Variants in ZFAND3 observed in about 807,000 individuals in gnomAD.
ZFAND3 encodes zinc finger AN1-type containing 3, also known as AN1-type zinc finger protein 3.
ZFAND3 carries 10 observed loss-of-function variants against 29.6 expected under a neutral mutation model. The observed-to-expected ratio is 0.34, with a 90% CI of 0.21 to 0.57. ZFAND3 has a LOEUF of 0.57. Among genes scored for constraint, ZFAND3 ranks in the 20% least tolerant of loss-of-function variants. The probability of loss-of-function intolerance (pLI) is 0.86; values close to 1 mark genes in which losing one functional copy is unlikely to be tolerated. For missense variants in ZFAND3, 230 were observed against 304.5 expected (o/e 0.76, Z 1.82); for synonymous variants, 128 against 112.6 (o/e 1.14, Z -0.87).
At chr6:37,876,073 G>A (rs1385106188) in intron 1 of ZFAND3, among the ~76,000 whole-genome samples, 1 of 152,056 alleles carries the variant, frequency 6.6e-6, no homozygotes, top group Non-Finnish European at 1.5e-5. Flanking sequence ...TAATTTGAAA[G>A]AAAGTTTTAC....
intron 1 of ZFAND3, among the ~76,000 whole-genome samples, chr6:37,839,485 TA>T (rs1455631214): frequency 2.1e-5 from 3 of 141,118 alleles, no homozygotes; most frequent in Admixed American, 7.1e-5. Flanking sequence ...CCCGGCCAGT[TA>T]TTTTTTTATT....
intron 1 of ZFAND3, among the ~76,000 whole-genome samples, chr6:37,893,693 A>C (rs1451458729): frequency 6.6e-6 from 1 of 152,074 alleles, no homozygotes; most frequent in East Asian, 1.9e-4. Flanking sequence ...AGCTGGGATT[A>C]CAGGCGCATG....
chr6:37,934,163 C>T (rs1196312908), intron 2 of ZFAND3, among the ~76,000 whole-genome samples: 2 of 150,694 alleles, frequency 1.3e-5, no homozygotes, highest in Non-Finnish European at 2.9e-5. Flanking sequence ...GCTGGGATTA[C>T]AGGTGTAAGC....
At chr6:37,983,587 G>A (rs1762616270) in intron 2 of ZFAND3, among the ~76,000 whole-genome samples, 1 of 152,040 alleles carries the variant, frequency 6.6e-6, no homozygotes, top group South Asian at 2.1e-4. Context: ...TTGAACTCCC[G>A]ACCTCAGGTG....
chr6:37,827,562 A>G (rs1763782764), intron 1 of ZFAND3, among the ~76,000 whole-genome samples: 1 of 152,232 alleles, frequency 6.6e-6, no homozygotes. Context: ...TACCATATAT[A>G]GAGAAAGGTG....
intron 4 of ZFAND3, among the ~76,000 whole-genome samples, chr6:38,106,454 A>C (rs1298889118): frequency 6.6e-6 from 1 of 152,174 alleles, no homozygotes; most frequent in Admixed American, 6.5e-5. Flanking sequence ...CCGGCCTACA[A>C]ATGACATTCT....
At chr6:38,037,135 A>C (rs758233953) in intron 2 of ZFAND3, among the ~76,000 whole-genome samples, 1 of 152,218 alleles carries the variant, frequency 6.6e-6, no homozygotes, top group Non-Finnish European at 1.5e-5. Flanking sequence ...TCAATCTTTT[A>C]GTGAATAGAG....
intron 1 of ZFAND3, among the ~76,000 whole-genome samples, chr6:37,862,294 C>T (rs75740093): frequency 4.6e-5 from 7 of 152,120 alleles, no homozygotes; most frequent in Admixed American, 2.0e-4. Context: ...GTACAGTAGA[C>T]GGCCTCATTC....
At chr6:38,150,815 G>A (rs1419391537) in intron 5 of ZFAND3, among the ~76,000 whole-genome samples, 3 of 152,338 alleles carry the variant, frequency 2.0e-5, no homozygotes, top group African/African-American at 7.2e-5. Context: ...AACAAGTAAG[G>A]AGAGTGTTTG....
chr6:38,092,035 C>T, intron 4 of ZFAND3, among the ~76,000 whole-genome samples: 1 of 152,170 alleles, frequency 6.6e-6, no homozygotes, highest in East Asian at 1.9e-4. Flanking sequence ...GAGATGGTCC[C>T]ATTGCCTCTC....
chr6:37,912,005 G>A (rs1047393917), intron 1 of ZFAND3, among the ~76,000 whole-genome samples: 1 of 147,550 alleles, frequency 6.8e-6, no homozygotes, highest in African/African-American at 2.5e-5. Context: ...GGTTGCTATG[G>A]ATCTGTCTTC....
intron 2 of ZFAND3, among the ~76,000 whole-genome samples, chr6:37,976,307 C>T (rs996137817): frequency 5.9e-5 from 9 of 152,010 alleles, no homozygotes; most frequent in Non-Finnish European, 8.8e-5. Flanking sequence ...AGAGGCCAGG[C>T]GTGGTGGCTC....
intron 2 of ZFAND3, among the ~76,000 whole-genome samples, chr6:38,036,179 A>T (rs1763653630): frequency 6.6e-6 from 1 of 152,236 alleles, no homozygotes. Context: ...GTGAAAATCT[A>T]ACTGGCTAAG....
chr6:38,065,662 T>C (rs371922062), intron 3 of ZFAND3, among the ~76,000 whole-genome samples: 2 of 152,192 alleles, frequency 1.3e-5, no homozygotes, highest in South Asian at 2.1e-4. Flanking sequence ...CCCTAAGTTA[T>C]AGAGCTATTG....
At position 37,896,590 on chromosome 6, in the gene ZFAND3, CTT is replaced by C. The variant is rs760035792; in HGVS notation, c.72-33365_72-33364del. 1.2e-3 allele frequency among the ~76,000 whole-genome samples: 125 copies of C among 103,058 alleles called. 1 individual carries two copies. Among genetic ancestry groups the C allele is most frequent in the Non-Finnish European group, 1.8e-3 (90 of 50,396 alleles). The allele number at this position is 103,058 out of a possible 152,430, so 67.6% of individuals were successfully genotyped here. A position where few individuals can be genotyped will look rare whatever the true frequency, so the allele number is the denominator to read the frequency against. ...TCTTTCTCTCTTTCTCTCTCTTTCT[CTT>C]TTTCTTTCTCTCTCTCTTTCTTTCT... On this transcript the variant is annotated intron_variant, in intron 1 of 5. Transcript: ENST00000287218.
rs996540506 is a variant in ZFAND3, at chr6:37,892,657, T to C, written c.72-37302T>C. 4.6e-5 allele frequency among the ~76,000 whole-genome samples: 7 copies of C among 152,022 alleles called. No individual in the cohort carries two copies. In the East Asian group the frequency reaches 1.3e-3, roughly 29 times the overall value. On this transcript the variant is annotated intron_variant, in intron 1 of 5. Transcript: ENST00000287218. The stretch of plus-strand genomic sequence containing the variant: ...GAATAGAAAAATAACAGTAAATCAA[T>C]GAAATCAAAAGCTGGTTCTTAGGAA...
chr6:38,100,052 ATTTCTTTT>A (rs1765062213), intron 4 of ZFAND3, among the ~76,000 whole-genome samples: 1 of 151,124 alleles, frequency 6.6e-6, no homozygotes, highest in Non-Finnish European at 1.5e-5. Flanking sequence ...TGATAAACCT[ATTTCTTTT>A]TTTCTTTTTT....
chr6:37,859,906 T>G, intron 1 of ZFAND3, among the ~76,000 whole-genome samples: 1 of 147,044 alleles, frequency 6.8e-6, no homozygotes, highest in East Asian at 2.0e-4. Flanking sequence ...ACTCTTGCTC[T>G]TGTCACCCAG....
At chr6:38,152,201 C>G (rs1352970823) in intron 5 of ZFAND3, 34 bp from the exon 6 acceptor site, 1 of 1,482,800 alleles carries the variant, frequency 6.7e-7, no homozygotes, top group Non-Finnish European at 9.0e-7. Context: ...GCCACCCTAA[C>G]ACACTCTTTC....
Sources: allele counts gnomAD v4.1 joint callset (sites outside exome capture counted in the v4.1 genomes callset), GRCh38; gene constraint gnomAD v4.1.1; transcripts MANE v1.5; gene names NCBI Gene and HGNC (gene_info 2026-07-23, HGNC 2026-07-21).